KCNG3: variants seen among roughly 807,000 people sequenced by gnomAD.
KCNG3 encodes potassium voltage-gated channel modifier subfamily G member 3, also known as voltage-gated potassium channel regulatory subunit KCNG3.
KCNG3 carries 15 observed loss-of-function variants against 29.0 expected under a neutral mutation model. That is an observed-to-expected ratio of 0.52 (90% CI 0.35 to 0.80). The LOEUF is 0.80. Ranked by LOEUF, KCNG3 falls within the 30% of genes least tolerant of loss-of-function variation. KCNG3 has a pLI of 0.01. For synonymous variants in KCNG3, 322 were observed against 248.9 expected, an observed-to-expected ratio of 1.29 and a Z score of -2.76; for missense variants, 512 against 605.7, an observed-to-expected ratio of 0.85 and a Z score of 1.62.
chr2:42,438,924 A>C (rs1238202145), downstream of KCNG3, among the ~76,000 whole-genome samples: 1 of 151,958 alleles, frequency 6.6e-6, no homozygotes, highest in African/African-American at 2.4e-5. Flanking sequence ...AGGAAAGAAC[A>C]CTGAACAGAC....
At chr2:42,402,452 A>G in the KCNG3 span, among the ~76,000 whole-genome samples, 1 of 152,198 alleles carries the variant, frequency 6.6e-6, no homozygotes, top group East Asian at 1.9e-4. Flanking sequence ...TTGGGAGGCC[A>G]AGGTGGGAGG....
At chr2:42,461,718 T>A (rs1673022120) in intron 1 of KCNG3, among the ~76,000 whole-genome samples, 1 of 152,168 alleles carries the variant, frequency 6.6e-6, no homozygotes, top group Admixed American at 6.5e-5. Context: ...AGAAGATCAA[T>A]CTCAATAATC....
intron 1 of KCNG3, among the ~76,000 whole-genome samples, chr2:42,445,986 C>T (rs1033069699): frequency 1.3e-5 from 2 of 151,854 alleles, no homozygotes; most frequent in African/African-American, 4.8e-5. Flanking sequence ...CTCAGCCTCC[C>T]GAAGTGTCGG....
chr2:42,493,002 G>T lies in KCNG3; in HGVS notation c.500C>A (p.Ser167Ter). 6.5e-7 allele frequency: 1 copy of T among 1,531,956 alleles called. No individual in the cohort carries two copies. The allele number at this position is 1,531,956 out of a possible 1,614,324, so 94.9% of individuals were successfully genotyped here. The stretch of plus-strand genomic sequence containing the variant: ...GCTAGCCAGGATCTGCGCGGCCAGC[G>T]ACGACGTGGGCTCCTCGAAGGTCCG... ...MRRTFEEPTS[S>*]LAAQILASVS... is the part of the protein sequence containing the mutation. Residue 167 changes from serine to a stop codon, truncating the protein, a stop_gained, in exon 1 of 2, where the codon TCG (serine) becomes TAG (stop). Coordinates refer to ENST00000306078, the MANE Select transcript of KCNG3 (RefSeq NM_133329.6). LOFTEE classifies it high-confidence loss of function.
Position 42,444,273 on chromosome 2 carries a change from A to G in KCNG3, c.972T>C (p.Val324=). ...LTLKRCYREM[V]MLLVFICVAM... Reference sequence around the variant, plus strand: ...CAACACAAATGAAGACAAGTAACATAACCATCTCTCGGTAGCAACGTTTGA... The same window carrying G: ...CAACACAAATGAAGACAAGTAACATGACCATCTCTCGGTAGCAACGTTTGA... The change falls in exon 2 of 2, where the codon GTT becomes GTC. Residue 324 remains valine (V), a synonymous_variant. Coordinates refer to ENST00000306078, the MANE Select transcript of KCNG3 (RefSeq NM_133329.6). The surrounding 1 kb of genome is among the most constrained non-coding windows in gnomAD (Gnocchi z 5.8). 1 of 1,614,244 alleles carries G rather than the reference A, an allele frequency of 6.2e-7. No individual in the cohort carries two copies. The highest frequency in any genetic ancestry group is 1.1e-5 in the South Asian group (1 of 91,080).
chr2:42,432,946 AAAC>A, the KCNG3 span, among the ~76,000 whole-genome samples: 3 of 144,374 alleles, frequency 2.1e-5, no homozygotes, highest in East Asian at 3.9e-4. Flanking sequence ...AAAAAAAAAA[AAAC>A]AAAAAAACAA....
the KCNG3 span, among the ~76,000 whole-genome samples, chr2:42,401,792 G>C: frequency 6.6e-6 from 1 of 152,122 alleles, no homozygotes; most frequent in African/African-American, 2.4e-5. Flanking sequence ...GCTGAGGCAG[G>C]ACGACTGCTT....
chr2:42,489,623 T>C (rs192063289), intron 1 of KCNG3, among the ~76,000 whole-genome samples: 1 of 152,272 alleles, frequency 6.6e-6, no homozygotes, highest in Non-Finnish European at 1.5e-5. Context: ...GATCAGTAAA[T>C]GCTTCAAGAG....
At chr2:42,474,034 C>T (rs559512087) in intron 1 of KCNG3, among the ~76,000 whole-genome samples, 1 of 151,594 alleles carries the variant, frequency 6.6e-6, no homozygotes, top group African/African-American at 2.4e-5. Flanking sequence ...CACCTGCAGT[C>T]CCAGCTACTT....
intron 1 of KCNG3, chr2:42,463,248 T>C: frequency 3.1e-6 from 1 of 320,178 alleles, no homozygotes; most frequent in Non-Finnish European, 5.9e-6. Flanking sequence ...GGTCTGAGTG[T>C]ACCCTAAACC....
chr2:42,463,738 C>T (rs6729011), intron 1 of KCNG3: 84,736 of 190,136 alleles, frequency 0.45, 19,602 homozygotes, highest in Middle Eastern at 0.64. Flanking sequence ...AGCTGATCCT[C>T]CACGCAATCT....
the KCNG3 span, among the ~76,000 whole-genome samples, chr2:42,412,808 A>G: frequency 6.6e-6 from 1 of 152,158 alleles, no homozygotes; most frequent in South Asian, 2.1e-4. Context: ...GCATTCAGTG[A>G]TGTTTTCTTC....
chr2:42,411,485 AT>A, the KCNG3 span, among the ~76,000 whole-genome samples: 3 of 150,804 alleles, frequency 2.0e-5, no homozygotes, highest in Non-Finnish European at 4.4e-5. Context: ...CATGTCTTAT[AT>A]TTTTTTTTGT....
At chr2:42,424,551 G>C in the KCNG3 span, among the ~76,000 whole-genome samples, 2 of 151,418 alleles carry the variant, frequency 1.3e-5, no homozygotes, top group Non-Finnish European at 2.9e-5. Context: ...AACACATAAT[G>C]TTCAGTCTGA....
At chr2:42,491,346 C>T (rs544639472) in intron 1 of KCNG3, among the ~76,000 whole-genome samples, 4 of 152,242 alleles carry the variant, frequency 2.6e-5, no homozygotes, top group African/African-American at 9.6e-5. Context: ...TGGTTTTGCT[C>T]ATATACTGGT....
At chr2:42,441,009 C>T (rs971549639), downstream of KCNG3, among the ~76,000 whole-genome samples, 2 of 152,116 alleles carry the variant, frequency 1.3e-5, no homozygotes, top group African/African-American at 4.8e-5. Flanking sequence ...GAAAACATTT[C>T]TGCCATGAAA....
At chr2:42,479,599 T>C (rs1176055256) in intron 1 of KCNG3, among the ~76,000 whole-genome samples, 1 of 141,940 alleles carries the variant, frequency 7.0e-6, no homozygotes, top group Non-Finnish European at 1.5e-5. Context: ...TGAGCCAAGA[T>C]AGCACCACTG....
At chr2:42,452,220 A>AATATATATATATATATATATATAT (rs869226338) in intron 1 of KCNG3, among the ~76,000 whole-genome samples, 5 of 104,664 alleles carry the variant, frequency 4.8e-5, no homozygotes, top group East Asian at 3.6e-4. Context: ...TGGGGTGGTA[A>AATATATATATATATATATATATAT]ATATATATAT....
the KCNG3 span, among the ~76,000 whole-genome samples, chr2:42,414,984 C>T: frequency 6.6e-6 from 1 of 152,098 alleles, no homozygotes; most frequent in Admixed American, 6.5e-5. Context: ...TTTAGATGGG[C>T]CTACTGTTTA....
Sources: allele counts gnomAD v4.1 joint callset (sites outside exome capture counted in the v4.1 genomes callset), GRCh38; gene constraint gnomAD v4.1.1; non-coding constraint Gnocchi (gnomAD v3.1); transcripts MANE v1.5; gene names NCBI Gene and HGNC (gene_info 2026-07-23, HGNC 2026-07-21).